COL25A1: variants seen among roughly 807,000 people sequenced by gnomAD.
COL25A1 encodes the protein collagen type XXV alpha 1 chain.
In COL25A1, 103 loss-of-function variants were observed where a neutral mutation model predicts 128.4. That is an observed-to-expected ratio of 0.80 (90% CI 0.68 to 0.94). The LOEUF is 0.94. Among genes scored for constraint, COL25A1 ranks in the 40% least tolerant of loss-of-function variants. COL25A1 has a pLI of 0.00. For synonymous variants in COL25A1, 279 were observed against 277.2 expected, an observed-to-expected ratio of 1.01 and a Z score of -0.06; for missense variants, 745 against 840.0, an observed-to-expected ratio of 0.89 and a Z score of 1.40.
intron 27 of COL25A1, among the ~76,000 whole-genome samples, chr4:108,848,029 AC>A (rs1389835756): frequency 6.6e-6 from 1 of 152,166 alleles, no homozygotes; most frequent in African/African-American, 2.4e-5. Context: ...ACGTTCTCCA[AC>A]TCAGATTCTT....
At chr4:109,257,338 TATTAACTC>T (rs1260246516) in intron 3 of COL25A1, among the ~76,000 whole-genome samples, 10 of 152,158 alleles carry the variant, frequency 6.6e-5, no homozygotes, top group Admixed American at 2.0e-4. Context: ...ATTTTTAGAG[TATTAACTC>T]ATTCCATGCT....
At chr4:109,070,480 A>C (rs1296580185) in intron 3 of COL25A1, among the ~76,000 whole-genome samples, 1 of 152,098 alleles carries the variant, frequency 6.6e-6, no homozygotes, top group African/African-American at 2.4e-5. Context: ...ATAATTACAA[A>C]ATCCATGATC....
intron 16 of COL25A1, among the ~76,000 whole-genome samples, chr4:108,893,401 GT>G (rs1390893380): frequency 2.0e-5 from 3 of 152,202 alleles, no homozygotes; most frequent in African/African-American, 7.2e-5. Context: ...ACTCCAAAGA[GT>G]GGGACATAAT....
intron 13 of COL25A1, among the ~76,000 whole-genome samples, chr4:108,903,067 AT>A (rs1379445447): frequency 3.3e-5 from 5 of 151,694 alleles, no homozygotes; most frequent in South Asian, 2.1e-4. Context: ...TTTTTAAAAA[AT>A]AAATGGTTAA....
chr4:109,239,394 G>GTGTGTGTGTA (rs1491198097), intron 3 of COL25A1, among the ~76,000 whole-genome samples: 1 of 116,582 alleles, frequency 8.6e-6, no homozygotes, highest in Non-Finnish European at 1.7e-5. Flanking sequence ...GTGTGTGTGT[G>GTGTGTGTGTA]TATATATATA....
At chr4:109,131,443 C>A (rs1274146933) in intron 3 of COL25A1, among the ~76,000 whole-genome samples, 1 of 152,152 alleles carries the variant, frequency 6.6e-6, no homozygotes, top group African/African-American at 2.4e-5. Flanking sequence ...TTTAAACATA[C>A]TGCTGTACTC....
Position 108,974,368 on chromosome 4 carries a change from C to A in COL25A1, c.491G>T (p.Arg164Met), listed in dbSNP as rs777822846. 1 of 1,613,952 alleles carries A rather than the reference C, an allele frequency of 6.2e-7. No homozygotes were observed. Among genetic ancestry groups the A allele is most frequent in the South Asian group, 1.1e-5 (1 of 91,080 alleles). ...CAAGATAGGTAGAGCACAACTTACC[C>A]TAGGTCCCTGATCACCTTGTTCTCC... is the stretch of plus-strand genomic sequence containing the variant. The part of the protein sequence containing the change: ...DKGEQGDQGP[R>M]MVFPKINHGF... The change falls in exon 8 of 38, where the codon AGG becomes ATG. Residue 164 changes from arginine (R) to methionine (M), a missense_variant and splice_region_variant. By Grantham distance (91) the Arg-to-Met change is moderately conservative. Around this residue, in one of 3 missense-constraint regions of COL25A1, gnomAD observed 319 missense variants for 324.9 expected, o/e 0.98. Coordinates refer to ENST00000399132, the MANE Select transcript of COL25A1 (RefSeq NM_198721.4).
intron 11 of COL25A1, among the ~76,000 whole-genome samples, chr4:108,932,147 T>C (rs1169899216): frequency 1.3e-5 from 2 of 152,166 alleles, no homozygotes; most frequent in Non-Finnish European, 2.9e-5. Flanking sequence ...CTGATCAAGA[T>C]AGCAGGCAGA....
chr4:109,136,824 G>T (rs1374000453), intron 3 of COL25A1, among the ~76,000 whole-genome samples: 1 of 152,232 alleles, frequency 6.6e-6, no homozygotes, highest in Admixed American at 6.5e-5. Context: ...AAAACTGTTA[G>T]GATTTCACTT....
chr4:109,254,505 A>ATGTGTGTG (rs1553968414), intron 3 of COL25A1, among the ~76,000 whole-genome samples: 3 of 104,994 alleles, frequency 2.9e-5, no homozygotes, highest in African/African-American at 1.0e-4. Context: ...ATATATATAT[A>ATGTGTGTG]TGTATGTGTG....
At position 108,981,274 on chromosome 4, in the gene COL25A1, C is replaced by T. The variant is rs117256312; in HGVS notation, c.439-6715G>A. ...ACTAGAATGTGAACATGTGTTCTTT[C>T]GAGTATTTACTTTCACCTTAAACTC... On this transcript the variant is annotated intron_variant, in intron 6 of 37. Transcript: ENST00000399132. 6.7e-4 allele frequency among the ~76,000 whole-genome samples: 102 copies of T among 152,246 alleles called. 1 individual carries two copies. In the East Asian group the frequency reaches 0.015, roughly 23 times the overall value.
At chr4:109,218,145 T>C (rs1473321705) in intron 3 of COL25A1, among the ~76,000 whole-genome samples, 2 of 152,180 alleles carry the variant, frequency 1.3e-5, no homozygotes, top group South Asian at 2.1e-4. Context: ...ATAAGTCATA[T>C]AGTAAAATCA....
intron 3 of COL25A1, among the ~76,000 whole-genome samples, chr4:109,111,722 G>T (rs1444529165): frequency 4.6e-5 from 7 of 152,058 alleles, no homozygotes; most frequent in Non-Finnish European, 1.0e-4. Context: ...TTAGGCTTTG[G>T]ATAAATTTCC....
At chr4:109,234,829 T>G (rs891923157) in intron 3 of COL25A1, among the ~76,000 whole-genome samples, 19 of 152,008 alleles carry the variant, frequency 1.2e-4, no homozygotes, top group Non-Finnish European at 1.8e-4. Context: ...CCTATTCCCA[T>G]CCCGTTCTTC....
intron 3 of COL25A1, among the ~76,000 whole-genome samples, chr4:109,097,286 T>C (rs1396308454): frequency 6.6e-6 from 1 of 152,114 alleles, no homozygotes; most frequent in Non-Finnish European, 1.5e-5. Flanking sequence ...TGTTTAACAC[T>C]TACAAGTGAG....
chr4:109,028,710 G>A (rs558960888), intron 5 of COL25A1, among the ~76,000 whole-genome samples: 16 of 151,998 alleles, frequency 1.1e-4, no homozygotes, highest in Admixed American at 7.2e-4. Flanking sequence ...TGGCGACAGA[G>A]CGGGACTCCA....
At chr4:109,067,941 T>C (rs1178783675) in intron 3 of COL25A1, among the ~76,000 whole-genome samples, 3 of 152,220 alleles carry the variant, frequency 2.0e-5, no homozygotes, top group Non-Finnish European at 2.9e-5. Context: ...GGGTAATCCA[T>C]ACTGGGTATC....
chr4:108,810,139 G>A lies in COL25A1; in HGVS notation c.*3788C>T, dbSNP rs1230102580. 6.6e-6 allele frequency: 1 copy of A among 151,282 alleles called. No homozygotes were observed. The highest frequency in any genetic ancestry group is 2.4e-5 in the African/African-American group (1 of 41,206). 9.4% of individuals were successfully genotyped at this position (151,282 alleles called of 1,614,324 possible). On this transcript the variant is annotated 3_prime_UTR_variant, in exon 38 of 38. Transcript: ENST00000399132. ...CTCTGGGTAAGACAATATATAGTGG[G>A]GAAAGAAAGGATAACAAATGATGTT...
At chr4:109,289,040 T>C (rs938351006) in intron 3 of COL25A1, among the ~76,000 whole-genome samples, 6 of 151,716 alleles carry the variant, frequency 4.0e-5, no homozygotes, top group Admixed American at 6.6e-5. Context: ...CCTAAAGAAC[T>C]GTTTCCTGTG....
Sources: gnomAD v4.1 joint callset for allele counts (sites outside exome capture counted in the v4.1 genomes callset) on GRCh38, gnomAD v4.1.1 for gene constraint, gnomAD v4.1.1 regional missense constraint, MANE v1.5 for transcripts, NCBI Gene and HGNC (gene_info 2026-07-23, HGNC 2026-07-21) for gene names.